Variants in CHRNB2 observed in about 807,000 individuals in gnomAD.
CHRNB2 encodes the protein neuronal acetylcholine receptor subunit beta-2.
CHRNB2 carries 33 observed loss-of-function variants against 42.7 expected under a neutral mutation model. The observed-to-expected ratio is 0.77, with a 90% CI of 0.59 to 1.03. The LOEUF is 1.03. CHRNB2 is among the 50% of genes least tolerant of loss of function. The probability of loss-of-function intolerance (pLI) is 0.00; values close to 1 mark genes in which losing one functional copy is unlikely to be tolerated. For synonymous variants in CHRNB2, 325 were observed against 292.9 expected, an observed-to-expected ratio of 1.11 and a Z score of -1.12; for missense variants, 603 against 700.9, an observed-to-expected ratio of 0.86 and a Z score of 1.58.
At position 154,579,934 on chromosome 1, in the gene CHRNB2, G is replaced by A. The variant is rs1353740883; in HGVS notation, c.*4002G>A. On this transcript the variant is annotated 3_prime_UTR_variant, in exon 6 of 6. Transcript: ENST00000368476. ...AGAGAGCCCGTGGGGGCCAGCGTTG[G>A]CGAATACAGGAAAAAGGGAGAATGC... is the stretch of plus-strand genomic sequence containing the variant. The A allele has an allele frequency of 6.6e-6, 1 of 152,296 alleles. No individual in the cohort carries two copies. Among genetic ancestry groups the A allele is most frequent in the African/African-American group, 2.4e-5 (1 of 41,454 alleles). The allele number at this position is 152,296 out of a possible 1,614,324, so 9.4% of individuals were successfully genotyped here. A position where few individuals can be genotyped will look rare whatever the true frequency, so the allele number is the denominator to read the frequency against.
At chr1:154,568,165 T>A in intron 1 of CHRNB2, 57 bp downstream of exon 1, 1 of 1,542,082 alleles carries the variant, frequency 6.5e-7, no homozygotes, top group Non-Finnish European at 8.8e-7. Context: ...GGCCCAAGAC[T>A]CGCCGCCCTC....
In CHRNB2 at chr1:154,571,940, G is replaced by T. The variant is rs778714852; in HGVS notation, c.1117G>T (p.Ala373Ser). The change falls in exon 5 of 6, where the codon GCT becomes TCT. Residue 373 changes from alanine to serine, a missense_variant. Around this residue, in one of 2 missense-constraint regions of CHRNB2, gnomAD observed 270 missense variants for 248.3 expected, o/e 1.09. Coordinates refer to ENST00000368476, the MANE Select transcript of CHRNB2 (RefSeq NM_000748.3). This position sits in a 1 kb window ranked among gnomAD's most constrained non-coding sequence, Gnocchi z 6.8. ...LRRRQREREGAGALFFREAPG... is the reference protein window; with the variant it reads ...LRRRQREREGSGALFFREAPG... ...GCGACGCCAGCGTGAGCGCGAGGGC[G>T]CTGGAGCCCTCTTCTTCCGCGAAGC... The T allele has an allele frequency of 6.4e-7, 1 of 1,550,894 alleles. No individual in the cohort carries two copies. Among genetic ancestry groups the T allele is most frequent in the Non-Finnish European group, 8.7e-7 (1 of 1,153,256 alleles).
At chr1:154,572,785 G>T (rs2101523887) in intron 5 of CHRNB2, among the ~76,000 whole-genome samples, 1 of 152,262 alleles carries the variant, frequency 6.6e-6, no homozygotes, top group African/African-American at 2.4e-5. Context: ...TATGGAGATG[G>T]GGGTGGGTGA....
rs200459257 is a variant in CHRNB2 at position 154,569,776 on chromosome 1, C to G, written c.211-16C>G. The stretch of plus-strand genomic sequence containing the variant: ...GGCTTAGGGGCCTTCTCGGCAGCCT[C>G]TCTTCCTCCCTGCAGCATGAGCGGG... On this transcript the variant is annotated splice_polypyrimidine_tract_variant and intron_variant, in intron 2 of 5. Transcript: ENST00000368476. 2.5e-6 allele frequency: 4 copies of G among 1,614,180 alleles called. No individual in the cohort carries two copies. In the South Asian group the frequency reaches 3.3e-5, roughly 13 times the overall value.
chr1:154,569,967 G>T (rs1696132861), intron 3 of CHRNB2, 131 bp downstream of exon 3: 1 of 1,040,488 alleles, frequency 9.6e-7, no homozygotes, highest in African/African-American at 1.6e-5. Context: ...TAAACAATTG[G>T]ATTTGAATCT....
intron 5 of CHRNB2, 26 bp from the exon 6 acceptor site, chr1:154,575,736 G>C (rs1696259466): frequency 6.2e-7 from 1 of 1,613,754 alleles, no homozygotes; most frequent in Non-Finnish European, 8.5e-7. Context: ...CATGTGACCT[G>C]GGCCTCCTCC....
At position 154,571,948 on chromosome 1, in the gene CHRNB2, C is replaced by T. The variant is rs1227631392; in HGVS notation, c.1125C>T (p.Ala375=). The change falls in exon 5 of 6, where the codon GCC becomes GCT. Residue 375 remains alanine, a synonymous_variant. Transcript: ENST00000368476. The surrounding 1 kb of genome is among the most constrained non-coding windows in gnomAD (Gnocchi z 6.8). Reference sequence around the variant, plus strand: ...AGCGTGAGCGCGAGGGCGCTGGAGCCCTCTTCTTCCGCGAAGCCCCAGGGG... The same window carrying T: ...AGCGTGAGCGCGAGGGCGCTGGAGCTCTCTTCTTCCGCGAAGCCCCAGGGG... The part of the protein sequence containing the change: ...RRQREREGAG[A]LFFREAPGAD... The T allele has an allele frequency of 6.5e-7, 1 of 1,547,316 alleles. No homozygotes were observed. Among genetic ancestry groups the T allele is most frequent in the South Asian group, 1.2e-5 (1 of 85,270 alleles).
chr1:154,575,638 G>C, intron 5 of CHRNB2, 124 bp from the exon 6 acceptor site: 2 of 1,023,130 alleles, frequency 2.0e-6, no homozygotes, highest in South Asian at 1.3e-5. Context: ...GCTTTAACAA[G>C]ATCATTCTGG....
At chr1:154,569,439 C>T (rs372586598) in intron 1 of CHRNB2, 23 bp from the exon 2 acceptor site, 40 of 1,612,764 alleles carry the variant, frequency 2.5e-5, no homozygotes, top group South Asian at 4.4e-5. Context: ...TGCTTACTTT[C>T]GTCCTGCCTT....
Position 154,575,776 on chromosome 1 carries a change from G to C in CHRNB2, c.1353G>C (p.Trp451Cys), listed in dbSNP as rs201110967. 1.4e-5 allele frequency: 23 copies of C among 1,614,032 alleles called. No individual in the cohort carries two copies. The highest frequency in any genetic ancestry group is 2.7e-5 in the African/African-American group (2 of 74,900). Reference protein sequence around the residue: ...EDDDQSVSEDWKYVAMVIDRL... With the variant: ...EDDDQSVSEDCKYVAMVIDRL... ...CCTCCATCCAGGTGAGTGAGGACTG[G>C]AAGTACGTCGCCATGGTGATCGACC... Residue 451 changes from tryptophan (W) to cysteine (C), a missense_variant, in exon 6 of 6, where the codon TGG (tryptophan) becomes TGC (cysteine). This residue lies in a region of CHRNB2 where 270 missense variants were observed against 248.3 expected (regional missense o/e 1.09). Transcript: ENST00000368476.
At position 154,576,000 on chromosome 1, in the gene CHRNB2, A is replaced by G; in HGVS notation, c.*68A>G. The G allele has an allele frequency of 6.3e-7, 1 of 1,593,672 alleles. No homozygotes were observed. Among genetic ancestry groups the G allele is most frequent in the South Asian group, 1.1e-5 (1 of 90,518 alleles). Reference sequence around the variant, plus strand: ...GCTGCACAGTAGTGTTGGGTGGAGGATGGACGAGTGAGCTACCAGGAAGAG... The same window carrying G: ...GCTGCACAGTAGTGTTGGGTGGAGGGTGGACGAGTGAGCTACCAGGAAGAG... On this transcript the variant is annotated 3_prime_UTR_variant, in exon 6 of 6. Coordinates refer to ENST00000368476, the MANE Select transcript of CHRNB2 (RefSeq NM_000748.3).
In CHRNB2 at chr1:154,579,663, G is replaced by C. The variant is rs1294644178; in HGVS notation, c.*3731G>C. ...CACCTTTTAGTATTCATCCCAACAG[G>C]TCCAGGCGGTCAGTGTGATAGCCAC... is the stretch of plus-strand genomic sequence containing the variant. On this transcript the variant is annotated 3_prime_UTR_variant, in exon 6 of 6. Transcript: ENST00000368476. 1 of 152,248 alleles carries C rather than the reference G, an allele frequency of 6.6e-6. No homozygotes were observed. The highest frequency in any genetic ancestry group is 1.5e-5 in the Non-Finnish European group (1 of 68,116). 9.4% of individuals were successfully genotyped at this position (152,248 alleles called of 1,614,324 possible). A position where few individuals can be genotyped will look rare whatever the true frequency, so the allele number is the denominator to read the frequency against.
In CHRNB2 at chr1:154,571,902, G is replaced by C. The variant is rs1270818002; in HGVS notation, c.1079G>C (p.Arg360Pro). ...QQPRHHCARQ[R>P]LRLRRRQRER... Reference sequence around the variant, plus strand: ...CCACGCCATCATTGCGCCCGTCAGCGCCTGCGCCTGCGGCGACGCCAGCGT... The same window carrying C: ...CCACGCCATCATTGCGCCCGTCAGCCCCTGCGCCTGCGGCGACGCCAGCGT... The change falls in exon 5 of 6, where the codon CGC (arginine) becomes CCC (proline). Residue 360 changes from arginine (R) to proline (P), a missense_variant. This residue lies in a region of CHRNB2 where 270 missense variants were observed against 248.3 expected (regional missense o/e 1.09). Transcript: ENST00000368476. The surrounding 1 kb of genome is among the most constrained non-coding windows in gnomAD (Gnocchi z 6.8). The C allele has an allele frequency of 6.3e-7, 1 of 1,578,592 alleles. No individual in the cohort carries two copies. The highest frequency in any genetic ancestry group is 1.1e-5 in the South Asian group (1 of 87,982).
intron 3 of CHRNB2, 103 bp downstream of exon 3, chr1:154,569,939 G>T (rs1696132609): frequency 1.4e-6 from 2 of 1,391,550 alleles, no homozygotes; most frequent in African/African-American, 2.8e-5. Flanking sequence ...AGGCAGAAAG[G>T]TATAGAGTTT....
intron 5 of CHRNB2, among the ~76,000 whole-genome samples, chr1:154,574,144 A>G (rs1696227136): frequency 6.6e-6 from 1 of 152,196 alleles, no homozygotes; most frequent in Admixed American, 6.5e-5. Flanking sequence ...TTTTCTTTAA[A>G]AAAAAATCAT....
intron 3 of CHRNB2, 93 bp downstream of exon 3, chr1:154,569,929 AG>A: frequency 7.0e-7 from 1 of 1,437,150 alleles, no homozygotes; most frequent in Non-Finnish European, 9.8e-7. Flanking sequence ...CTCTCAAAAC[AG>A]GCAGAAAGGT....
rs1036066323 is a variant in CHRNB2, at chr1:154,579,952, G to A, written c.*4020G>A. 2 of 152,414 alleles carry A rather than the reference G, an allele frequency of 1.3e-5. No homozygotes were observed. Among genetic ancestry groups the A allele is most frequent in the African/African-American group, 4.8e-5 (2 of 41,580 alleles). The allele number at this position is 152,414 out of a possible 1,614,324, so 9.4% of individuals were successfully genotyped here. A position where few individuals can be genotyped will look rare whatever the true frequency, so the allele number is the denominator to read the frequency against. On this transcript the variant is annotated 3_prime_UTR_variant, in exon 6 of 6. Coordinates refer to ENST00000368476, the MANE Select transcript of CHRNB2 (RefSeq NM_000748.3). ...AGCGTTGGCGAATACAGGAAAAAGG[G>A]AGAATGCTGGAGAAACTGGACTCGT...
At chr1:154,574,877 C>T (rs1029749010) in intron 5 of CHRNB2, among the ~76,000 whole-genome samples, 3 of 149,892 alleles carry the variant, frequency 2.0e-5, no homozygotes, top group African/African-American at 7.6e-5. Flanking sequence ...TCCCCACCCC[C>T]TGAGCTGGCC....
In CHRNB2 at chr1:154,576,053, T is replaced by G; in HGVS notation, c.*121T>G. ...GCGCTGCCCCCACAGATCCATCCTT[T>G]TGCTTCATCTGGAGTCCCTCCTCCC... On this transcript the variant is annotated 3_prime_UTR_variant, in exon 6 of 6. Transcript: ENST00000368476. 3 of 1,307,408 alleles carry G rather than the reference T, an allele frequency of 2.3e-6. No individual in the cohort carries two copies. The highest frequency in any genetic ancestry group is 3.3e-6 in the Non-Finnish European group (3 of 917,068). The allele number at this position is 1,307,408 out of a possible 1,614,324, so 81.0% of individuals were successfully genotyped here.
Sources: allele counts gnomAD v4.1 joint callset (sites outside exome capture counted in the v4.1 genomes callset), GRCh38; gene constraint gnomAD v4.1.1; regional missense constraint gnomAD v4.1.1; non-coding constraint Gnocchi (gnomAD v3.1); transcripts MANE v1.5; gene names NCBI Gene and HGNC (gene_info 2026-07-23, HGNC 2026-07-21).